CREBZF: variants seen among roughly 807,000 people sequenced by gnomAD.
The protein encoded by CREBZF is CREB/ATF bZIP transcription factor, also known as HCF-binding transcription factor Zhangfei.
In CREBZF, 8 loss-of-function variants were observed where a neutral mutation model predicts 21.1. The ratio of observed to expected loss-of-function variants is 0.38; its 90% confidence interval spans 0.22 to 0.68. The LOEUF is 0.68. CREBZF is among the 30% of genes least tolerant of loss of function. The probability of loss-of-function intolerance (pLI) is 0.51; values close to 1 mark genes in which losing one functional copy is unlikely to be tolerated. For missense variants in CREBZF, 518 were observed against 484.3 expected, an observed-to-expected ratio of 1.07 and a Z score of -0.65; for synonymous variants, 270 against 223.3, an observed-to-expected ratio of 1.21 and a Z score of -1.86.
chr11:85,664,898 T>G lies in CREBZF; in HGVS notation c.-23A>C. On this transcript the variant is annotated 5_prime_UTR_variant, in exon 1 of 1. Coordinates refer to ENST00000527447, the MANE Select transcript of CREBZF (RefSeq NM_001039618.4). The surrounding 1 kb of genome is among the most constrained non-coding windows in gnomAD (Gnocchi z 5.5). ...CATGAGGGCCAGCGGCGGGCCGCGG[T>G]AGGCCCCGGCCGCTAAGAGTGGGCC... 2.8e-6 allele frequency: 4 copies of G among 1,421,562 alleles called. No individual in the cohort carries two copies. Among genetic ancestry groups the G allele is most frequent in the South Asian group, 1.5e-5 (1 of 64,694 alleles). The allele number at this position is 1,421,562 out of a possible 1,614,324, so 88.1% of individuals were successfully genotyped here.
chr11:85,665,407 A>G (rs1437182570), upstream of CREBZF, among the ~76,000 whole-genome samples: 1 of 151,880 alleles, frequency 6.6e-6, no homozygotes, highest in Non-Finnish European at 1.5e-5. Context: ...AAAGTTGCAG[A>G]TGAGACACCA....
chr11:85,677,364 ATGTC>A (rs1270873640), intron 1 of CREBZF, among the ~76,000 whole-genome samples: 1 of 152,200 alleles, frequency 6.6e-6, no homozygotes, highest in African/African-American at 2.4e-5. Flanking sequence ...TGTCTCAAAA[ATGTC>A]TGTCTACAGA....
intron 1 of CREBZF, among the ~76,000 whole-genome samples, chr11:85,677,652 T>G (rs1478162231): frequency 6.6e-6 from 1 of 152,232 alleles, no homozygotes; most frequent in African/African-American, 2.4e-5. Context: ...TTCAACATTT[T>G]TGGCAAGAAT....
At chr11:85,674,859 C>T (rs2082932643) in intron 1 of CREBZF, among the ~76,000 whole-genome samples, 1 of 152,216 alleles carries the variant, frequency 6.6e-6, no homozygotes, top group African/African-American at 2.4e-5. Flanking sequence ...GGTGCTTTTA[C>T]TTCTCATTGC....
At chr11:85,672,354 T>A (rs527419271) in intron 1 of CREBZF, among the ~76,000 whole-genome samples, 31 of 152,256 alleles carry the variant, frequency 2.0e-4, no homozygotes, top group Non-Finnish European at 4.0e-4. Context: ...CTGGAGACAT[T>A]CTCTCCATTG....
upstream of CREBZF, among the ~76,000 whole-genome samples, chr11:85,666,214 A>G (rs2082860256): frequency 6.6e-6 from 1 of 152,196 alleles, no homozygotes; most frequent in African/African-American, 2.4e-5. Context: ...CCCACAAGGG[A>G]TTTCAGATTT....
In CREBZF at chr11:85,664,931, C is replaced by A. The variant is rs2082824939; in HGVS notation, c.-56G>T. The A allele has an allele frequency of 3.9e-6, 5 of 1,271,626 alleles. No individual in the cohort carries two copies. Among genetic ancestry groups the A allele is most frequent in the African/African-American group, 1.6e-5 (1 of 63,744 alleles). The allele number at this position is 1,271,626 out of a possible 1,614,324, so 78.8% of individuals were successfully genotyped here. A position where few individuals can be genotyped will look rare whatever the true frequency, so the allele number is the denominator to read the frequency against. ...GGCCGCTAAGAGTGGGCCTCACGGG[C>A]CCCAAGGATCCCAGGCCCCAGGGCG... On this transcript the variant is annotated 5_prime_UTR_variant, in exon 1 of 1. Transcript: ENST00000527447. The surrounding 1 kb of genome is among the most constrained non-coding windows in gnomAD (Gnocchi z 5.5).
intron 1 of CREBZF, among the ~76,000 whole-genome samples, chr11:85,674,250 A>G (rs540933555): frequency 1.1e-4 from 16 of 152,364 alleles, no homozygotes; most frequent in African/African-American, 3.8e-4. Context: ...TCCTTGATTC[A>G]TGGCTTGCAG....
At position 85,679,028 on chromosome 11, in the gene CREBZF, A is replaced by G. The variant is rs374012093; in HGVS notation, n.147+3689T>C. On this transcript the variant is annotated intron_variant and non_coding_transcript_variant, in intron 1 of 3. Transcript: ENST00000531515. ...TAAGGTAAATGTGGATGTGAGCATA[A>G]TGGGATTAATCTGGCCAGAGAATCT... Among the ~76,000 whole-genome samples the G allele has an allele frequency of 2.7e-4, 41 of 152,332 alleles. No homozygotes were observed. The South Asian group carries it at 8.5e-3, about 32-fold the overall frequency.
In CREBZF at chr11:85,663,895, G is replaced by T; in HGVS notation, c.981C>A (p.Val327=). 6.2e-7 allele frequency: 1 copy of T among 1,612,848 alleles called. No homozygotes were observed. The highest frequency in any genetic ancestry group is 8.5e-7 in the Non-Finnish European group (1 of 1,179,988). The change falls in exon 1 of 1, where the codon GTC becomes GTA. Residue 327 remains valine, a synonymous_variant. Coordinates refer to ENST00000527447, the MANE Select transcript of CREBZF (RefSeq NM_001039618.4). The part of the protein sequence containing the change: ...LLEEDDSAGG[V]CLHVDKDKVS... ...CCTTATCCTTGTCCACATGGAGACA[G>T]ACTCCTCCCGCCGAGTCGTCCTCTT...
chr11:85,664,311 A>G lies in CREBZF; in HGVS notation c.565T>C (p.Ser189Pro), dbSNP rs2082785278. The change falls in exon 1 of 1, where the codon TCC becomes CCC. Residue 189 changes from serine (S) to proline (P), a missense_variant. Coordinates refer to ENST00000527447, the MANE Select transcript of CREBZF (RefSeq NM_001039618.4). The surrounding 1 kb of genome is among the most constrained non-coding windows in gnomAD (Gnocchi z 5.5). ...CCGCCACCGCCGCCTCCTCCTGGGG[A>G]CTTTCTCCGCCTCTTTTCGGCGCTG... The part of the protein sequence containing the change: ...SGSAEKRRRK[S>P]PGGGGGGGSG... 3 of 1,611,408 alleles carry G rather than the reference A, an allele frequency of 1.9e-6. No homozygotes were observed. The highest frequency in any genetic ancestry group is 1.3e-5 in the African/African-American group (1 of 74,724).
intron 1 of CREBZF, among the ~76,000 whole-genome samples, chr11:85,679,048 G>C (rs1244533620): frequency 6.6e-6 from 1 of 152,200 alleles, no homozygotes; most frequent in Non-Finnish European, 1.5e-5. Context: ...TCTGGCCAGA[G>C]AATCTCTTGA....
chr11:85,665,971 TC>T (rs2082855614), upstream of CREBZF, among the ~76,000 whole-genome samples: 1 of 152,224 alleles, frequency 6.6e-6, no homozygotes, highest in Admixed American at 6.5e-5. Flanking sequence ...AAACTGCCTG[TC>T]CAACCTTTAA....
intron 1 of CREBZF, among the ~76,000 whole-genome samples, chr11:85,672,187 C>T (rs978591366): frequency 6.6e-6 from 1 of 152,262 alleles, no homozygotes; most frequent in Non-Finnish European, 1.5e-5. Flanking sequence ...GTGCCTTGGC[C>T]TCTTTTAGCT....
chr11:85,676,622 A>T (rs1037409281), intron 1 of CREBZF, among the ~76,000 whole-genome samples: 2 of 151,902 alleles, frequency 1.3e-5, no homozygotes, highest in Non-Finnish European at 2.9e-5. Flanking sequence ...GTACATCCTT[A>T]ACTATAATGT....
rs1036148857 is a variant in CREBZF at position 85,658,535 on chromosome 11, T to C, written c.*5276A>G. On this transcript the variant is annotated 3_prime_UTR_variant, in exon 1 of 1. Coordinates refer to ENST00000527447, the MANE Select transcript of CREBZF (RefSeq NM_001039618.4). ...GCATTATTTAAGGACATTTAGTCAT[T>C]TGTAGCTAACACCTGAAGTAAACTA... Among the ~76,000 whole-genome samples the C allele has an allele frequency of 1.3e-5, 2 of 152,052 alleles. No homozygotes were observed. The highest frequency in any genetic ancestry group is 6.6e-5 in the Admixed American group (1 of 15,260).
upstream of CREBZF, among the ~76,000 whole-genome samples, chr11:85,666,196 G>C (rs1352016851): frequency 6.6e-6 from 1 of 152,034 alleles, no homozygotes; most frequent in African/African-American, 2.4e-5. Context: ...TGTTATTTAG[G>C]TTCACATCCC....
chr11:85,671,755 G>A (rs754363220), intron 1 of CREBZF, among the ~76,000 whole-genome samples: 3 of 152,188 alleles, frequency 2.0e-5, no homozygotes, highest in Non-Finnish European at 4.4e-5. Flanking sequence ...CACGGTCTTG[G>A]GCAGCTCCAT....
chr11:85,682,612 CAACGCGATCTT>C, intron 1 of CREBZF: 10 of 291,090 alleles, frequency 3.4e-5, no homozygotes, highest in South Asian at 1.0e-4. Flanking sequence ...CTACTCCCCC[CAACGCGATCTT>C]CCAGACGCGC....
Sources: allele counts gnomAD v4.1 joint callset (sites outside exome capture counted in the v4.1 genomes callset), GRCh38; gene constraint gnomAD v4.1.1; non-coding constraint Gnocchi (gnomAD v3.1); transcripts MANE v1.5; gene names NCBI Gene and HGNC (gene_info 2026-07-23, HGNC 2026-07-21).